KIAA1217: variants seen among roughly 807,000 people sequenced by gnomAD.
The protein encoded by KIAA1217 is KIAA1217.
Under a neutral mutation model 163.9 loss-of-function variants are expected in KIAA1217, and 88 were observed. The observed-to-expected ratio is 0.54, with a 90% CI of 0.45 to 0.64. The LOEUF is 0.64. KIAA1217 is among the 30% of genes least tolerant of loss of function. The pLI is 0.00. For missense variants in KIAA1217, 2,372 were observed against 2,475.0 expected (o/e 0.96, Z 0.88); for synonymous variants, 903 against 923.1 (o/e 0.98, Z 0.39).
At chr10:24,252,364 G>A (rs1267733335) in intron 2 of KIAA1217, among the ~76,000 whole-genome samples, 1 of 152,134 alleles carries the variant, frequency 6.6e-6, no homozygotes, top group African/African-American at 2.4e-5. Context: ...GATTGTTTGA[G>A]CCCAGGAGTT....
At chr10:23,945,441 C>T (rs35686131) in intron 1 of KIAA1217, among the ~76,000 whole-genome samples, 30,446 of 152,054 alleles carry the variant, frequency 0.2, 3,306 homozygotes, top group Middle Eastern at 0.27. Flanking sequence ...TGATAGAAAT[C>T]AGAGCAATGG....
intron 2 of KIAA1217, among the ~76,000 whole-genome samples, chr10:24,095,980 C>A (rs1278679844): frequency 6.6e-6 from 1 of 152,180 alleles, no homozygotes; most frequent in Non-Finnish European, 1.5e-5. Context: ...TGGTGGTATG[C>A]ACCTGTAGTC....
chr10:23,917,104 C>T (rs191503995), intron 1 of KIAA1217, among the ~76,000 whole-genome samples: 4 of 151,416 alleles, frequency 2.6e-5, no homozygotes, highest in African/African-American at 9.7e-5. Flanking sequence ...CCAACATTTT[C>T]GTGTTTTAAC....
intron 2 of KIAA1217, among the ~76,000 whole-genome samples, chr10:24,145,326 C>T (rs1265981314): frequency 1.3e-5 from 2 of 152,222 alleles, no homozygotes; most frequent in Non-Finnish European, 1.5e-5. Flanking sequence ...AGGCTTTGCT[C>T]ACAAACACAT....
intron 1 of KIAA1217, among the ~76,000 whole-genome samples, chr10:23,875,639 A>T (rs545813447): frequency 6.6e-6 from 1 of 152,222 alleles, no homozygotes; most frequent in South Asian, 2.1e-4. Context: ...CTATAAAGAC[A>T]CATACACACG....
intron 1 of KIAA1217, among the ~76,000 whole-genome samples, chr10:23,964,417 GTTTC>G (rs1844965619): frequency 1.3e-5 from 2 of 151,960 alleles, no homozygotes; most frequent in African/African-American, 4.8e-5. Context: ...TCTGCTGATA[GTTTC>G]TTTATTAGAT....
intron 2 of KIAA1217, among the ~76,000 whole-genome samples, chr10:24,248,576 C>G (rs1019955136): frequency 7.1e-6 from 1 of 141,606 alleles, no homozygotes; most frequent in Non-Finnish European, 1.5e-5. Flanking sequence ...GGGGCTGAGA[C>G]AGGAGAATCG....
At position 23,858,735 on chromosome 10, in the gene KIAA1217, G is replaced by A. The variant is rs966224975; in HGVS notation, c.-320-148490G>A. Among the ~76,000 whole-genome samples, 17 of 152,100 alleles carry A rather than the reference G, an allele frequency of 1.1e-4. No homozygotes were observed. The South Asian group carries it at 2.5e-3, about 22-fold the overall frequency. The stretch of plus-strand genomic sequence containing the variant: ...AAATACTCATTGTCCCCCACCACTC[G>A]GTCCTTTTACAGTTGCCTCATCTGC... On this transcript the variant is annotated intron_variant, in intron 1 of 18. Transcript: ENST00000376462.
chr10:24,204,281 T>C (rs1459790605), upstream of KIAA1217, among the ~76,000 whole-genome samples: 1 of 152,148 alleles, frequency 6.6e-6, no homozygotes, highest in Non-Finnish European at 1.5e-5. Context: ...GAAGATTGGT[T>C]ACCCTCTGGA....
At chr10:23,860,338 C>A (rs1446639964) in intron 1 of KIAA1217, among the ~76,000 whole-genome samples, 1 of 151,966 alleles carries the variant, frequency 6.6e-6, no homozygotes, top group Non-Finnish European at 1.5e-5. Context: ...AACGTCATTA[C>A]TCCTTGCTTC....
At chr10:24,256,139 C>T (rs576856924) in intron 2 of KIAA1217, among the ~76,000 whole-genome samples, 3 of 151,698 alleles carry the variant, frequency 2.0e-5, no homozygotes, top group South Asian at 4.2e-4. Flanking sequence ...TAAAAGCAGG[C>T]ACAGTTGCCT....
rs939950678 is a variant in KIAA1217 at position 24,416,548 on chromosome 10, G to A, written c.554-16447G>A. Among the ~76,000 whole-genome samples the A allele has an allele frequency of 1.2e-4, 18 of 152,270 alleles. No homozygotes were observed. In the East Asian group the frequency reaches 3.5e-3, roughly 29 times the overall value. On this transcript the variant is annotated intron_variant, in intron 3 of 20. Transcript: ENST00000376454. ...TGCCCATGTCTAAATATTTTTAAAG[G>A]TATAAATCAAGCTAACAAACTATTA...
chr10:24,533,319 G>A (rs916654636), intron 16 of KIAA1217, 82 bp downstream of exon 16: 136 of 1,405,668 alleles, frequency 9.7e-5, no homozygotes, highest in Non-Finnish European at 1.2e-4. Context: ...ATTTGTTAGC[G>A]AGAAGGCCAG....
intron 1 of KIAA1217, among the ~76,000 whole-genome samples, chr10:23,904,225 A>G (rs1159077856): frequency 1.3e-5 from 2 of 152,190 alleles, no homozygotes; most frequent in Admixed American, 6.5e-5. Flanking sequence ...GCCTGAAATA[A>G]TATCAGAAAC....
chr10:24,478,038 A>G (rs1332605832), intron 6 of KIAA1217, among the ~76,000 whole-genome samples: 3 of 152,252 alleles, frequency 2.0e-5, no homozygotes, highest in Non-Finnish European at 4.4e-5. Flanking sequence ...GAGAGTCTCA[A>G]GTGACATTTT....
chr10:24,191,386 A>G (rs1037699566), intron 2 of KIAA1217, among the ~76,000 whole-genome samples: 1 of 152,180 alleles, frequency 6.6e-6, no homozygotes, highest in African/African-American at 2.4e-5. Flanking sequence ...CAAAAATCAG[A>G]CATACTATTT....
chr10:24,127,411 G>T (rs537154802), intron 2 of KIAA1217, among the ~76,000 whole-genome samples: 18 of 152,208 alleles, frequency 1.2e-4, no homozygotes, highest in African/African-American at 3.9e-4. Context: ...AATGTCTTTT[G>T]CTTTTCCTTA....
chr10:23,893,596 T>C (rs942137226), intron 1 of KIAA1217, among the ~76,000 whole-genome samples: 4 of 152,064 alleles, frequency 2.6e-5, no homozygotes, highest in African/African-American at 9.7e-5. Flanking sequence ...GGTGTCAATT[T>C]TGGATCTTCC....
chr10:24,462,178 T>C (rs2062477142), intron 5 of KIAA1217, among the ~76,000 whole-genome samples: 2 of 151,166 alleles, frequency 1.3e-5, no homozygotes, highest in East Asian at 1.9e-4. Flanking sequence ...TATATACTGA[T>C]ATATCTATTA....
Sources: gnomAD v4.1 joint callset for allele counts (sites outside exome capture counted in the v4.1 genomes callset) on GRCh38, gnomAD v4.1.1 for gene constraint, MANE v1.5 for transcripts, NCBI Gene and HGNC (gene_info 2026-07-23, HGNC 2026-07-21) for gene names.